The following RANBP3L variants were observed in gnomAD, a reference collection of about 807,000 sequenced individuals.
RANBP3L encodes the protein RAN binding protein 3 like, also known as ran-binding protein 3-like.
A neutral mutation model predicts 67.2 loss-of-function variants in RANBP3L; 56 were observed. The observed-to-expected ratio is 0.83, with a 90% CI of 0.67 to 1.04. The LOEUF is 1.04. RANBP3L is among the 50% of genes least tolerant of loss of function. The pLI is 0.00. For missense variants in RANBP3L, 496 were observed against 535.5 expected (o/e 0.93, Z 0.73); for synonymous variants, 164 against 181.4 (o/e 0.90, Z 0.77).
Position 36,253,723 on chromosome 5 carries a change from T to C in RANBP3L, c.1091A>G (p.Gln364Arg), listed in dbSNP as rs759738550. The C allele has an allele frequency of 4.3e-6, 7 of 1,612,972 alleles. No individual in the cohort carries two copies. The highest frequency in any genetic ancestry group is 1.3e-5 in the African/African-American group (1 of 74,874). ...NSKLWAQMKIQRANHKNVRIT... is the reference protein window; with the variant it reads ...NSKLWAQMKIRRANHKNVRIT... ...TCGTACATTTTTGTGGTTTGCTCTT[T>C]GAATCTTCATTTGGGCCCAGAGTTT... The change falls in exon 12 of 14, where the codon CAA becomes CGA. Residue 364 changes from glutamine to arginine, a missense_variant. Gln to Arg is a conservative substitution (Grantham distance 43). Transcript: ENST00000296604.
intron 1 of RANBP3L, among the ~76,000 whole-genome samples, chr5:36,273,918 T>C (rs1247374208): frequency 1.3e-5 from 2 of 152,194 alleles, no homozygotes; most frequent in African/African-American, 4.8e-5. Flanking sequence ...ACTGGATGTG[T>C]AAACAGACTG....
At chr5:36,290,130 G>T (rs1228682323) in intron 1 of RANBP3L, among the ~76,000 whole-genome samples, 1 of 151,604 alleles carries the variant, frequency 6.6e-6, no homozygotes, top group Non-Finnish European at 1.5e-5. Flanking sequence ...TGGCACAAAG[G>T]TATTCATAAC....
At chr5:36,265,947 A>C (rs1749742395) in intron 4 of RANBP3L, among the ~76,000 whole-genome samples, 1 of 145,892 alleles carries the variant, frequency 6.9e-6, no homozygotes, top group Non-Finnish European at 1.5e-5. Flanking sequence ...ACTGCACTCC[A>C]GCCTGTGTGA....
chr5:36,262,888 G>C (rs1460743260), intron 6 of RANBP3L, among the ~76,000 whole-genome samples: 2 of 152,012 alleles, frequency 1.3e-5, no homozygotes, highest in South Asian at 2.1e-4. Context: ...CAGCCAAAAT[G>C]GTAGTTTTCA....
intron 1 of RANBP3L, among the ~76,000 whole-genome samples, chr5:36,294,160 T>C (rs1279072797): frequency 1.3e-5 from 2 of 152,152 alleles, no homozygotes; most frequent in African/African-American, 2.4e-5. Context: ...ATTTATCCAT[T>C]TCTTCTAGAT....
At chr5:36,256,872 C>T in intron 10 of RANBP3L, 69 bp downstream of exon 10, 1 of 1,404,754 alleles carries the variant, frequency 7.1e-7, no homozygotes, top group African/African-American at 1.4e-5. Flanking sequence ...TTAAAGATGC[C>T]TCTTCTCATG....
At chr5:36,273,411 A>G (rs1162041677) in intron 1 of RANBP3L, among the ~76,000 whole-genome samples, 1 of 152,232 alleles carries the variant, frequency 6.6e-6, no homozygotes, top group Non-Finnish European at 1.5e-5. Flanking sequence ...TTTATCCATT[A>G]ATTCAACACA....
chr5:36,270,932 G>C (rs528568795), intron 2 of RANBP3L, among the ~76,000 whole-genome samples: 2 of 152,296 alleles, frequency 1.3e-5, no homozygotes, highest in African/African-American at 4.8e-5. Flanking sequence ...TTTAGGCTAG[G>C]TCAGTGGTGA....
At chr5:36,261,334 A>G (rs906401182) in intron 7 of RANBP3L, among the ~76,000 whole-genome samples, 10 of 152,190 alleles carry the variant, frequency 6.6e-5, no homozygotes, top group Non-Finnish European at 1.3e-4. Flanking sequence ...AGTGTTTTTC[A>G]TGATGAGAAA....
intron 10 of RANBP3L, among the ~76,000 whole-genome samples, chr5:36,255,932 G>T (rs536602934): frequency 6.6e-6 from 1 of 151,838 alleles, no homozygotes; most frequent in Non-Finnish European, 1.5e-5. Flanking sequence ...ACATATAAAT[G>T]TTCCCCCTCT....
In RANBP3L at chr5:36,251,303, A is replaced by G; in HGVS notation, c.1354+10T>C. ...TAAACCTCTGAACTAACAAAACAAA[A>G]GCTATTTACCTGATCCATTTTTAGT... is the stretch of plus-strand genomic sequence containing the variant. On this transcript the variant is annotated intron_variant, in intron 13 of 13. Transcript: ENST00000296604. 1 of 1,602,226 alleles carries G rather than the reference A, an allele frequency of 6.2e-7. No individual in the cohort carries two copies. Among genetic ancestry groups the G allele is most frequent in the South Asian group, 1.1e-5 (1 of 89,446 alleles).
intron 1 of RANBP3L, among the ~76,000 whole-genome samples, chr5:36,278,039 T>C (rs889707191): frequency 6.6e-6 from 1 of 152,038 alleles, no homozygotes; most frequent in Non-Finnish European, 1.5e-5. Context: ...TTCAATAATT[T>C]CCCACTGGGT....
At chr5:36,274,865 G>C (rs941067725) in intron 1 of RANBP3L, among the ~76,000 whole-genome samples, 2 of 151,952 alleles carry the variant, frequency 1.3e-5, no homozygotes, top group African/African-American at 4.8e-5. Context: ...TTTTTTCTTT[G>C]TTTAAAATCA....
chr5:36,251,198 A>T, intron 13 of RANBP3L, 115 bp downstream of exon 13: 1 of 784,016 alleles, frequency 1.3e-6, no homozygotes, highest in Non-Finnish European at 1.9e-6. Flanking sequence ...GGCTCTAGCC[A>T]CCACTAACTT....
At chr5:36,252,691 C>T (rs929923351) in intron 12 of RANBP3L, among the ~76,000 whole-genome samples, 5 of 152,050 alleles carry the variant, frequency 3.3e-5, no homozygotes, top group Non-Finnish European at 7.4e-5. Flanking sequence ...TTAACAGGCT[C>T]AGTCTCTGGC....
intron 4 of RANBP3L, among the ~76,000 whole-genome samples, chr5:36,267,949 C>CTGTTATAAATGTGAAATATAAA (rs1195987372): frequency 6.6e-6 from 1 of 151,992 alleles, no homozygotes; most frequent in Admixed American, 6.5e-5. Flanking sequence ...TAAAATAATA[C>CTGTTATAAATGTGAAATATAAA]TGTTATAAAT....
At chr5:36,251,231 T>C in intron 13 of RANBP3L, 82 bp downstream of exon 13, 2 of 1,194,940 alleles carry the variant, frequency 1.7e-6, no homozygotes, top group Non-Finnish European at 2.3e-6. Context: ...TTCCACTTGT[T>C]AAAAAATCTA....
intron 5 of RANBP3L, 85 bp downstream of exon 5, chr5:36,265,364 C>T: frequency 2.3e-6 from 2 of 875,774 alleles, no homozygotes; most frequent in Non-Finnish European, 3.6e-6. Flanking sequence ...CTCCATGCCC[C>T]CAACACACGC....
chr5:36,293,519 T>G (rs1449030781), intron 1 of RANBP3L, among the ~76,000 whole-genome samples: 4 of 151,346 alleles, frequency 2.6e-5, no homozygotes, highest in African/African-American at 9.7e-5. Flanking sequence ...GCCCATTCAG[T>G]ATGATATTGG....
Sources: gnomAD v4.1 joint callset for allele counts (sites outside exome capture counted in the v4.1 genomes callset) on GRCh38, gnomAD v4.1.1 for gene constraint, MANE v1.5 for transcripts, NCBI Gene and HGNC (gene_info 2026-07-23, HGNC 2026-07-21) for gene names.